Variants in MAST3 observed in about 807,000 individuals in gnomAD.
MAST3 encodes microtubule-associated serine/threonine-protein kinase 3.
A neutral mutation model predicts 127.0 loss-of-function variants in MAST3; 43 were observed. The ratio of observed to expected loss-of-function variants is 0.34; its 90% confidence interval spans 0.27 to 0.44. The LOEUF is 0.44. MAST3 is among the 20% of genes least tolerant of loss of function. The pLI, the probability that MAST3 is intolerant of heterozygous loss-of-function variation, is 1.00. For missense variants in MAST3, 1,390 were observed against 1,919.1 expected (o/e 0.72, Z 5.15); for synonymous variants, 785 against 809.2 (o/e 0.97, Z 0.51).
chr19:18,125,689 C>T (rs535555434), intron 11 of MAST3, among the ~76,000 whole-genome samples: 36 of 147,008 alleles, frequency 2.4e-4, no homozygotes, highest in Admixed American at 7.6e-4. Flanking sequence ...TGCAGTGAGC[C>T]GAGATCACAC....
Position 18,144,719 on chromosome 19 carries a change from T to C in MAST3, c.2812+26T>C. The C allele has an allele frequency of 1.9e-6, 3 of 1,600,956 alleles. No individual in the cohort carries two copies. The highest frequency in any genetic ancestry group is 2.5e-6 in the Non-Finnish European group (3 of 1,178,274). Reference sequence around the variant, plus strand: ...GTAATGCCCAAGGCCCCTCTCACCTTTGTCTGTCTGCACCCATTTTCACCA... The same window carrying C: ...GTAATGCCCAAGGCCCCTCTCACCTCTGTCTGTCTGCACCCATTTTCACCA... On this transcript the variant is annotated intron_variant, in intron 23 of 27. Transcript: ENST00000687212. The surrounding 1 kb of genome is among the most constrained non-coding windows in gnomAD (Gnocchi z 4.0).
At chr19:18,134,269 A>G (rs2041662119) in intron 15 of MAST3, among the ~76,000 whole-genome samples, 1 of 152,212 alleles carries the variant, frequency 6.6e-6, no homozygotes, top group Non-Finnish European at 1.5e-5. Flanking sequence ...CACACAGTAG[A>G]GACCAGGCAT....
chr19:18,115,402 C>T (rs2039110256), intron 3 of MAST3, among the ~76,000 whole-genome samples: 1 of 151,882 alleles, frequency 6.6e-6, no homozygotes, highest in African/African-American at 2.4e-5. Flanking sequence ...GACGAGGGGG[C>T]AGCGCCTTTA....
intron 11 of MAST3, among the ~76,000 whole-genome samples, chr19:18,128,004 G>C (rs963535397): frequency 1.3e-5 from 2 of 152,234 alleles, no homozygotes; most frequent in African/African-American, 4.8e-5. Flanking sequence ...TGTTTGCCAG[G>C]CATTCGCTAG....
intron 14 of MAST3, 131 bp from the exon 15 acceptor site, chr19:18,131,778 A>G: frequency 2.1e-6 from 2 of 961,370 alleles, no homozygotes; most frequent in Non-Finnish European, 3.2e-6. Flanking sequence ...CTCCCCGCTG[A>G]GATAGAACAA....
chr19:18,144,531 C>A lies in MAST3; in HGVS notation c.2650C>A (p.Pro884Thr). ...SNSIGARHST[P>T]RPLDAGRGRR... ...TAGCATCGGCGCCCGACACTCCACA[C>A]CAAGGCCTCTGGATGCCGGCCGGGG... The change falls in exon 23 of 28, where the codon CCA becomes ACA. Residue 884 changes from proline to threonine, a missense_variant. Physicochemically the swap from Pro to Thr is conservative, Grantham distance 38. Coordinates refer to ENST00000687212, the MANE Select transcript of MAST3 (RefSeq NM_001393504.1). This position sits in a 1 kb window ranked among gnomAD's most constrained non-coding sequence, Gnocchi z 4.0. The A allele has an allele frequency of 6.2e-7, 1 of 1,610,678 alleles. No individual in the cohort carries two copies. Among genetic ancestry groups the A allele is most frequent in the African/African-American group, 1.3e-5 (1 of 75,042 alleles).
At chr19:18,105,097 A>G (rs186058725) in intron 1 of MAST3, among the ~76,000 whole-genome samples, 1 of 152,228 alleles carries the variant, frequency 6.6e-6, no homozygotes, top group East Asian at 1.9e-4. Context: ...ACCGGGTGCG[A>G]TGGCTTACAC....
chr19:18,149,443 C>T lies in MAST3; in HGVS notation c.3761C>T (p.Pro1254Leu), dbSNP rs2043364537. 5 of 1,526,530 alleles carry T rather than the reference C, an allele frequency of 3.3e-6. No homozygotes were observed. Among genetic ancestry groups the T allele is most frequent in the Non-Finnish European group, 4.4e-6 (5 of 1,139,344 alleles). 94.6% of individuals were successfully genotyped at this position (1,526,530 alleles called of 1,614,324 possible). A position where few individuals can be genotyped will look rare whatever the true frequency, so the allele number is the denominator to read the frequency against. ...PGHPPAPARSPRLRRGQSADK... is the reference protein window; with the variant it reads ...PGHPPAPARSLRLRRGQSADK... ...CACCCGCCCGCACCTGCCCGATCCC[C>T]GCGGCTGCGCCGGGGCCAGTCAGCT... is the stretch of plus-strand genomic sequence containing the variant. The change falls in exon 28 of 28, where the codon CCG becomes CTG. Residue 1254 changes from proline (P) to leucine (L), a missense_variant. Around this residue, in one of 5 missense-constraint regions of MAST3, gnomAD observed 816 missense variants for 934.1 expected, o/e 0.87. Transcript: ENST00000687212. The surrounding 1 kb of genome is among the most constrained non-coding windows in gnomAD (Gnocchi z 5.9).
chr19:18,123,364 C>G lies in MAST3; in HGVS notation c.547C>G (p.Arg183Gly). ...GTCACCCCGCCTCCGACCCCGCTCT[C>G]GCAGTCTCAGGTGGGCCGCGACCTC... ...GRSPRLRPRS[R>G]SLSPGRATGT... The change falls in exon 7 of 28, where the codon CGC (arginine) becomes GGC (glycine). Residue 183 changes from arginine (R) to glycine (G), a missense_variant. Physicochemically the swap from Arg to Gly is moderately radical, Grantham distance 125. Coordinates refer to ENST00000687212, the MANE Select transcript of MAST3 (RefSeq NM_001393504.1). The G allele has an allele frequency of 1.2e-6, 2 of 1,612,012 alleles. No individual in the cohort carries two copies. The highest frequency in any genetic ancestry group is 1.7e-6 in the Non-Finnish European group (2 of 1,179,508).
At position 18,121,771 on chromosome 19, in the gene MAST3, C is replaced by T. The variant is rs757758991; in HGVS notation, c.248C>T (p.Thr83Met). 48 of 1,613,882 alleles carry T rather than the reference C, an allele frequency of 3.0e-5. No individual in the cohort carries two copies. The highest frequency in any genetic ancestry group is 3.8e-5 in the Non-Finnish European group (45 of 1,179,892). ...CCCCTGTCGCCATTGTCGGTCCCAACGGGTGAGTGTGGGAGCAGCCAGCGG... is the reference window on the plus strand; with the variant it reads ...CCCCTGTCGCCATTGTCGGTCCCAATGGGTGAGTGTGGGAGCAGCCAGCGG... ...SRPLSPLSVP[T>M]GSSPLDSPRN... Residue 83 changes from threonine (T) to methionine (M), a missense_variant and splice_region_variant, in exon 4 of 28, where the codon ACG (threonine) becomes ATG (methionine). Around this residue, in one of 5 missense-constraint regions of MAST3, gnomAD observed 45 missense variants for 113.0 expected, o/e 0.40. Transcript: ENST00000687212.
At chr19:18,135,614 T>C in intron 17 of MAST3, 126 bp from the exon 18 acceptor site, 2 of 698,374 alleles carry the variant, frequency 2.9e-6, no homozygotes, top group Admixed American at 4.9e-5. Context: ...GCCTGCCACG[T>C]TGCAGGGGCA....
chr19:18,128,301 C>T (rs1225890745), intron 11 of MAST3, 99 bp from the exon 12 acceptor site: 5 of 946,742 alleles, frequency 5.3e-6, no homozygotes, highest in African/African-American at 3.3e-5. Flanking sequence ...GCACTGCATC[C>T]CCAGCCTGGG....
In MAST3 at chr19:18,128,945, C is replaced by T; in HGVS notation, c.1217C>T (p.Ala406Val). The T allele has an allele frequency of 1.2e-6, 2 of 1,613,852 alleles. No individual in the cohort carries two copies. Among genetic ancestry groups the T allele is most frequent in the Non-Finnish European group, 1.7e-6 (2 of 1,179,798 alleles). Residue 406 changes from alanine (A) to valine (V), a missense_variant, in exon 13 of 28, where the codon GCC becomes GTC. Physicochemically the swap from Ala to Val is moderately conservative, Grantham distance 64. This residue lies in a region of MAST3 where 277 missense variants were observed against 384.8 expected (regional missense o/e 0.72). Coordinates refer to ENST00000687212, the MANE Select transcript of MAST3 (RefSeq NM_001393504.1). ...ACCATCAAACTCATTAGCAACGGAG[C>T]CTATGGGTGAGTCCCTGAGTCCTGC... ...FETIKLISNG[A>V]YGAVYLVRHR... is the part of the protein sequence containing the mutation.
Position 18,132,081 on chromosome 19 carries a change from A to AGGGCGGGGCCAGAGAGGATCAG in MAST3, c.1571+46_1571+67dup, listed in dbSNP as rs763641026. ...AGCTAGCATGAGCGGGGCCTCGCGG[A>AGGGCGGGGCCAGAGAGGATCAG]GGGCGGGGCCAGAGAGGATCAGGGG... On this transcript the variant is annotated intron_variant, in intron 15 of 27. Coordinates refer to ENST00000687212, the MANE Select transcript of MAST3 (RefSeq NM_001393504.1). The AGGGCGGGGCCAGAGAGGATCAG allele has an allele frequency of 1.3e-5, 21 of 1,611,710 alleles. No homozygotes were observed. The African/African-American group carries it at 1.5e-4, about 11-fold the overall frequency.
chr19:18,135,010 G>T, intron 17 of MAST3, 28 bp downstream of exon 17: 2 of 1,567,236 alleles, frequency 1.3e-6, no homozygotes, highest in South Asian at 1.2e-5. Context: ...GCCTGGGTTT[G>T]AGCTGCAGCC....
chr19:18,144,749 G>C lies in MAST3; in HGVS notation c.2812+56G>C. Reference sequence around the variant, plus strand: ...TGTCTGCACCCATTTTCACCAACAGGGTGGGGGCCCTTCCTGAGTTGGGGA... The same window carrying C: ...TGTCTGCACCCATTTTCACCAACAGCGTGGGGGCCCTTCCTGAGTTGGGGA... On this transcript the variant is annotated intron_variant, in intron 23 of 27. Coordinates refer to ENST00000687212, the MANE Select transcript of MAST3 (RefSeq NM_001393504.1). This position sits in a 1 kb window ranked among gnomAD's most constrained non-coding sequence, Gnocchi z 4.0. 6.3e-7 allele frequency: 1 copy of C among 1,576,634 alleles called. No homozygotes were observed. The highest frequency in any genetic ancestry group is 1.1e-5 in the South Asian group (1 of 90,456).
intron 20 of MAST3, 95 bp downstream of exon 20, chr19:18,139,219 T>C (rs938275228): frequency 1.0e-6 from 1 of 960,398 alleles, no homozygotes. Flanking sequence ...TTTGTTTTGT[T>C]CTGTAGAGAT....
At chr19:18,148,890 G>A (rs962130865) in intron 27 of MAST3, among the ~76,000 whole-genome samples, 1 of 110,540 alleles carries the variant, frequency 9.0e-6, no homozygotes, top group South Asian at 3.2e-4. Flanking sequence ...GTGACAGAGC[G>A]AGACTCTATT....
intron 20 of MAST3, among the ~76,000 whole-genome samples, chr19:18,140,713 C>G (rs1447984523): frequency 6.6e-6 from 1 of 152,136 alleles, no homozygotes. Context: ...ATGGATGGAA[C>G]ACATTGTTTA....
Sources: allele counts gnomAD v4.1 joint callset (sites outside exome capture counted in the v4.1 genomes callset), GRCh38; gene constraint gnomAD v4.1.1; regional missense constraint gnomAD v4.1.1; non-coding constraint Gnocchi (gnomAD v3.1); transcripts MANE v1.5; gene names NCBI Gene and HGNC (gene_info 2026-07-23, HGNC 2026-07-21).